The following DIDO1 variants were observed in gnomAD, a reference collection of about 807,000 sequenced individuals.
DIDO1 encodes death-inducer obliterator 1.
Under a neutral mutation model 99.4 loss-of-function variants are expected in DIDO1, and 16 were observed. That is an observed-to-expected ratio of 0.16 (90% CI 0.11 to 0.24). DIDO1 has a LOEUF of 0.24. DIDO1 is among the 10% of genes least tolerant of loss of function. The pLI is 1.00. For missense variants in DIDO1, 2,996 were observed against 3,014.0 expected, an observed-to-expected ratio of 0.99 and a Z score of 0.14; for synonymous variants, 1,366 against 1,239.1, an observed-to-expected ratio of 1.10 and a Z score of -2.15.
At chr20:62,921,186 G>A (rs1353676126) in intron 1 of DIDO1, among the ~76,000 whole-genome samples, 4 of 152,198 alleles carry the variant, frequency 2.6e-5, no homozygotes, top group East Asian at 1.9e-4. Flanking sequence ...ATGAGCCACC[G>A]TGCCCGGCTG....
chr20:62,907,023 C>A, intron 5 of DIDO1, 124 bp downstream of exon 5: 2 of 949,040 alleles, frequency 2.1e-6, no homozygotes, highest in Non-Finnish European at 3.3e-6. Flanking sequence ...AAGGTCAAGG[C>A]GACACCACGT....
chr20:62,913,228 G>A (rs2064979841), intron 2 of DIDO1, among the ~76,000 whole-genome samples: 1 of 151,928 alleles, frequency 6.6e-6, no homozygotes, highest in African/African-American at 2.4e-5. Context: ...GGAGATAAGG[G>A]ACACATCACT....
At chr20:62,905,743 G>A in intron 6 of DIDO1, 144 bp downstream of exon 6, 1 of 1,606,972 alleles carries the variant, frequency 6.2e-7, no homozygotes, top group South Asian at 1.1e-5. Context: ...CTGGACATGG[G>A]CTCTGCTTCC....
upstream of DIDO1, among the ~76,000 whole-genome samples, chr20:62,928,397 T>A (rs553502171): frequency 3.3e-5 from 5 of 152,294 alleles, no homozygotes; most frequent in Admixed American, 3.3e-4. Flanking sequence ...TACTGGAACC[T>A]GCCTCTCGTT....
At chr20:62,916,912 ACT>A (rs1483140651) in intron 1 of DIDO1, among the ~76,000 whole-genome samples, 1 of 152,176 alleles carries the variant, frequency 6.6e-6, no homozygotes, top group East Asian at 1.9e-4. Context: ...TGCTGTGTTC[ACT>A]CTGAACACGT....
chr20:62,925,760 G>A (rs117307610), intron 1 of DIDO1, among the ~76,000 whole-genome samples: 1,829 of 152,306 alleles, frequency 0.012, 43 homozygotes, highest in Admixed American at 0.048. Flanking sequence ...TTCGGCTTCC[G>A]GGGTCACTGG....
At chr20:62,908,010 C>T (rs1165209687) in intron 4 of DIDO1, among the ~76,000 whole-genome samples, 7 of 152,198 alleles carry the variant, frequency 4.6e-5, no homozygotes, top group Admixed American at 3.9e-4. Flanking sequence ...GACAGGGTCT[C>T]GCTCTGTTGC....
intron 15 of DIDO1, 145 bp downstream of exon 15, chr20:62,890,815 A>C: frequency 6.6e-7 from 1 of 1,525,684 alleles, no homozygotes; most frequent in Non-Finnish European, 8.8e-7. Context: ...TCAAAGATGA[A>C]TCCTATTGCT....
intron 8 of DIDO1, among the ~76,000 whole-genome samples, chr20:62,895,530 T>G (rs919303672): frequency 1.6e-4 from 25 of 151,978 alleles, no homozygotes; most frequent in African/African-American, 6.0e-4. Context: ...GTCAAAAAGG[T>G]AGCGTCAGGA....
chr20:62,897,286 G>A (rs1232375149), intron 6 of DIDO1, among the ~76,000 whole-genome samples: 4 of 152,288 alleles, frequency 2.6e-5, no homozygotes, highest in East Asian at 1.9e-4. Flanking sequence ...CTTGACTTGC[G>A]CACTAGCTAA....
chr20:62,904,332 C>A (rs2064752188), intron 6 of DIDO1, among the ~76,000 whole-genome samples: 1 of 152,176 alleles, frequency 6.6e-6, no homozygotes, highest in Non-Finnish European at 1.5e-5. Context: ...ATAAAATTCT[C>A]AGCTCAAACA....
rs749431310 is a variant in DIDO1, at chr20:62,881,519, T to C, written c.4437A>G (p.Leu1479=). 6.2e-7 allele frequency: 1 copy of C among 1,611,428 alleles called. No homozygotes were observed. Among genetic ancestry groups the C allele is most frequent in the South Asian group, 1.1e-5 (1 of 91,082 alleles). ...TPSLVEQQKM[L]EELNKQIEEQ... is the part of the protein sequence containing the mutation. ...CCTCGATCTGTTTGTTCAGCTCTTC[T>C]AGCATCTTCTGTTGCTCCACCAGGG... Residue 1479 remains leucine (L), a synonymous_variant, in exon 16 of 16, where the codon CTA becomes CTG. Coordinates refer to ENST00000395343, the MANE Select transcript of DIDO1 (RefSeq NM_001193369.2). This position sits in a 1 kb window ranked among gnomAD's most constrained non-coding sequence, Gnocchi z 8.3.
Position 62,913,239 on chromosome 20 carries a change from TC to T in DIDO1, c.-3+970del, listed in dbSNP as rs137947451. 1.9e-3 allele frequency among the ~76,000 whole-genome samples: 282 copies of T among 151,966 alleles called. 1 individual carries two copies. Among genetic ancestry groups the T allele is most frequent in the African/African-American group, 6.4e-3 (267 of 41,488 alleles). ...CCTTGGAGATAAGGGACACATCACT[TC>T]TATGCTCACCTGAAGTGACCCCATT... On this transcript the variant is annotated intron_variant, in intron 2 of 15. Transcript: ENST00000395343.
chr20:62,882,988 G>C (rs3746772), intron 15 of DIDO1, among the ~76,000 whole-genome samples: 62,946 of 146,612 alleles, frequency 0.43, 15,143 homozygotes, highest in African/African-American at 0.68. Context: ...AGTGGCGCGA[G>C]CTCGGCTCAC....
chr20:62,919,131 A>C (rs2065090405), intron 1 of DIDO1, among the ~76,000 whole-genome samples: 1 of 152,250 alleles, frequency 6.6e-6, no homozygotes, highest in Non-Finnish European at 1.5e-5. Context: ...GGAACTGAAG[A>C]AGCCCAACTT....
chr20:62,889,540 G>C, intron 15 of DIDO1: 1 of 985,482 alleles, frequency 1.0e-6, no homozygotes, highest in Non-Finnish European at 1.2e-6. Context: ...CTGAGGTGCT[G>C]CAGTGTCTGC....
chr20:62,910,800 G>A lies in DIDO1; in HGVS notation c.813C>T (p.Cys271=). 1.9e-6 allele frequency: 3 copies of A among 1,613,864 alleles called. No homozygotes were observed. Among genetic ancestry groups the A allele is most frequent in the Non-Finnish European group, 1.7e-6 (2 of 1,179,712 alleles). ...TGTTGTTGTGAGGCTGGCGGCAAAT[G>A]CAATACAGGGCGTTGGGGTCGTAAC... is the stretch of plus-strand genomic sequence containing the variant. ...CEGYDPNALY[C]ICRQPHNNRF... is the part of the protein sequence containing the mutation. The change falls in exon 3 of 16, where the codon TGC becomes TGT. Residue 271 remains cysteine (C), a synonymous_variant. Coordinates refer to ENST00000395343, the MANE Select transcript of DIDO1 (RefSeq NM_001193369.2).
intron 2 of DIDO1, among the ~76,000 whole-genome samples, chr20:62,912,528 T>TTTCATTCTAATACATTAC (rs2064965867): frequency 6.6e-6 from 1 of 152,164 alleles, no homozygotes; most frequent in African/African-American, 2.4e-5. Context: ...TATTTTTCAC[T>TTTCATTCTAATACATTAC]TTCATTCTAA....
Position 62,892,863 on chromosome 20 carries a change from T to C in DIDO1, c.3201A>G (p.Ala1067=), listed in dbSNP as rs142500555. The C allele has an allele frequency of 1.1e-5, 18 of 1,614,004 alleles. No homozygotes were observed. Among genetic ancestry groups the C allele is most frequent in the Admixed American group, 3.3e-5 (2 of 60,004 alleles). ...WKGFINMQSV[A]KFVTKAYPVS... ...CAGGATACGCCTTAGTGACAAATTT[T>C]GCCACACTCTGCATGTTAATAAATC... Residue 1067 remains alanine, a synonymous_variant, in exon 13 of 16, where the codon GCA becomes GCG. Transcript: ENST00000395343.
Sources: allele counts gnomAD v4.1 joint callset (sites outside exome capture counted in the v4.1 genomes callset), GRCh38; gene constraint gnomAD v4.1.1; non-coding constraint Gnocchi (gnomAD v3.1); transcripts MANE v1.5; gene names NCBI Gene and HGNC (gene_info 2026-07-23, HGNC 2026-07-21).